Variants in FRMPD4 observed in about 807,000 individuals in gnomAD.
FRMPD4 encodes FERM and PDZ domain containing 4, also known as FERM and PDZ domain-containing protein 4.
In FRMPD4, 22 loss-of-function variants were observed where a neutral mutation model predicts 94.1. That is an observed-to-expected ratio of 0.23 (90% CI 0.17 to 0.33). The LOEUF (loss-of-function observed/expected upper bound fraction) is 0.33, where lower values mean the gene tolerates loss of function less well. Ranked by LOEUF, FRMPD4 falls within the 10% of genes least tolerant of loss-of-function variation. The pLI is 1.00. For synonymous variants in FRMPD4, 631 were observed against 548.6 expected (o/e 1.15, Z -2.10); for missense variants, 1,111 against 1,339.9 (o/e 0.83, Z 2.67).
intron 4 of FRMPD4, among the ~76,000 whole-genome samples, chrX:12,646,556 T>C (rs1352819864): frequency 8.9e-6 from 1 of 111,943 alleles, no homozygotes; most frequent in Non-Finnish European, 1.9e-5. Flanking sequence ...TCAGAGAGGA[T>C]TGGAACATTG....
chrX:11,896,843 C>A (rs763064984), intron 3 of FRMPD4, among the ~76,000 whole-genome samples: 11 of 111,254 alleles, frequency 9.9e-5, no homozygotes, highest in Non-Finnish European at 1.7e-4. Flanking sequence ...GTCCACGAAT[C>A]CCCTGGACAT....
chrX:12,032,182 T>C (rs988440261), intron 3 of FRMPD4, among the ~76,000 whole-genome samples: 8 of 111,804 alleles, frequency 7.2e-5, no homozygotes, highest in African/African-American at 2.6e-4. Context: ...AGATATGAAC[T>C]TAAGAATCAT....
intron 1 of FRMPD4, among the ~76,000 whole-genome samples, chrX:12,202,963 G>A (rs753028215): frequency 8.9e-6 from 1 of 112,139 alleles, no homozygotes; most frequent in Non-Finnish European, 1.9e-5. Context: ...AGGAAGCATG[G>A]CCCTGCTGAC....
chrX:11,911,728 C>G (rs139422229), intron 3 of FRMPD4, among the ~76,000 whole-genome samples: 124 of 111,783 alleles, frequency 1.1e-3, no homozygotes, highest in African/African-American at 4.0e-3. Context: ...TGAAAGGCAT[C>G]CTTTGGAACA....
chrX:12,432,815 G>A (rs907071846), intron 1 of FRMPD4, among the ~76,000 whole-genome samples: 3 of 112,054 alleles, frequency 2.7e-5, no homozygotes. Context: ...TGCCCAGGCT[G>A]GTCTCAAATT....
chrX:11,984,289 A>C (rs1194642984), intron 3 of FRMPD4, among the ~76,000 whole-genome samples: 1 of 112,291 alleles, frequency 8.9e-6, no homozygotes, highest in Non-Finnish European at 1.9e-5. Flanking sequence ...GCATTCCCAA[A>C]AAACTGTTGC....
intron 4 of FRMPD4, among the ~76,000 whole-genome samples, chrX:12,639,485 A>G (rs1436139012): frequency 8.9e-6 from 1 of 112,107 alleles, no homozygotes; most frequent in Non-Finnish European, 1.9e-5. Context: ...CTGAAAGCAA[A>G]ACTTTTTTCC....
At chrX:12,700,351 C>G (rs949853487) in intron 9 of FRMPD4, among the ~76,000 whole-genome samples, 1 of 112,000 alleles carries the variant, frequency 8.9e-6, no homozygotes, top group African/African-American at 3.2e-5. Flanking sequence ...ATTTTCTAGC[C>G]CAGGAATCCA....
At chrX:12,716,001 T>TGGGGCCCCC in intron 14 of FRMPD4, 68 bp from the exon 15 acceptor site, 8 of 231,646 alleles carry the variant, frequency 3.5e-5, no homozygotes, top group Non-Finnish European at 5.7e-5. Flanking sequence ...GAGACGAGCC[T>TGGGGCCCCC]CCCACCCCCG....
intron 1 of FRMPD4, among the ~76,000 whole-genome samples, chrX:12,459,631 G>A (rs1356782570): frequency 9.0e-6 from 1 of 111,719 alleles, no homozygotes; most frequent in Admixed American, 9.5e-5. Flanking sequence ...ATCATATTTT[G>A]CTTATTTGCA....
In FRMPD4 at chrX:12,131,887, C is replaced by T. The variant is rs181264661; in HGVS notation, c.95+253869C>T. Among the ~76,000 whole-genome samples the T allele has an allele frequency of 6.2e-5, 7 of 112,290 alleles. No individual in the cohort carries two copies. In the East Asian group the frequency reaches 1.1e-3, roughly 18 times the overall value. ...ATTTCCAGGTATAAAGGAACAAAAACGTTTAGAAAACTCAAAACTTACAAA... is the reference window on the plus strand; with the variant it reads ...ATTTCCAGGTATAAAGGAACAAAAATGTTTAGAAAACTCAAAACTTACAAA... On this transcript the variant is annotated intron_variant, in intron 3 of 18. Transcript: ENST00000640291.
intron 1 of FRMPD4, among the ~76,000 whole-genome samples, chrX:12,437,723 C>T (rs1429890536): frequency 1.8e-5 from 2 of 112,059 alleles, no homozygotes; most frequent in African/African-American, 3.2e-5. Context: ...AATCTGCCTT[C>T]GTCTCTTTTC....
At chrX:12,127,573 C>G (rs959692176) in intron 3 of FRMPD4, among the ~76,000 whole-genome samples, 1 of 111,403 alleles carries the variant, frequency 9.0e-6, no homozygotes, top group Non-Finnish European at 1.9e-5. Flanking sequence ...GATGGGGACA[C>G]AGCCAAACCA....
At chrX:12,581,038 A>G (rs915068315) in intron 2 of FRMPD4, among the ~76,000 whole-genome samples, 2 of 112,709 alleles carry the variant, frequency 1.8e-5, no homozygotes, top group Non-Finnish European at 3.7e-5. Context: ...GGACTACTGT[A>G]TAAACTCTGC....
chrX:12,025,476 C>T (rs1361059393), intron 3 of FRMPD4, among the ~76,000 whole-genome samples: 2 of 111,593 alleles, frequency 1.8e-5, no homozygotes, highest in Admixed American at 1.9e-4. Flanking sequence ...AACAAGCTGG[C>T]CTCCTAGTAT....
intron 1 of FRMPD4, among the ~76,000 whole-genome samples, chrX:12,349,766 A>G (rs1483059199): frequency 8.9e-6 from 1 of 112,052 alleles, no homozygotes; most frequent in African/African-American, 3.2e-5. Context: ...TCAATAATTT[A>G]TATAACATTA....
intron 1 of FRMPD4, among the ~76,000 whole-genome samples, chrX:12,243,588 A>C (rs776960095): frequency 6.3e-5 from 7 of 110,600 alleles, no homozygotes; most frequent in African/African-American, 2.3e-4. Flanking sequence ...TTTATTCACA[A>C]AACTGAAGAT....
At chrX:12,309,638 T>C (rs899907200) in intron 1 of FRMPD4, among the ~76,000 whole-genome samples, 1 of 112,219 alleles carries the variant, frequency 8.9e-6, no homozygotes, top group Admixed American at 9.4e-5. Context: ...ACCTAACTCC[T>C]AGTCATAGGT....
At chrX:12,339,567 C>G (rs1017194031) in intron 1 of FRMPD4, among the ~76,000 whole-genome samples, 3 of 111,417 alleles carry the variant, frequency 2.7e-5, no homozygotes, top group African/African-American at 9.8e-5. Flanking sequence ...CAGGCATAGT[C>G]TGACCAAATT....
Sources: allele counts gnomAD v4.1 joint callset (sites outside exome capture counted in the v4.1 genomes callset), GRCh38; gene constraint gnomAD v4.1.1; transcripts MANE v1.5; gene names NCBI Gene and HGNC (gene_info 2026-07-23, HGNC 2026-07-21).